ARL15: variants seen among roughly 807,000 people sequenced by gnomAD.
ARL15 encodes ADP-ribosylation factor-like protein 15.
In ARL15, 19 loss-of-function variants were observed where a neutral mutation model predicts 25.2. The ratio of observed to expected loss-of-function variants is 0.75; its 90% CI spans 0.53 to 1.10. The LOEUF (loss-of-function observed/expected upper bound fraction) is 1.10, where lower values mean the gene tolerates loss of function less well. ARL15 is among the 50% of genes least tolerant of loss of function. ARL15 has a pLI of 0.00. For missense variants in ARL15, 220 were observed against 246.0 expected, an observed-to-expected ratio of 0.89 and a Z score of 0.71; for synonymous variants, 94 against 86.8, an observed-to-expected ratio of 1.08 and a Z score of -0.46.
chr5:54,055,325 T>TAACATGTA (rs1173242905), intron 4 of ARL15, among the ~76,000 whole-genome samples: 1 of 151,534 alleles, frequency 6.6e-6, no homozygotes, highest in Non-Finnish European at 1.5e-5. Context: ...ATCCATGTTG[T>TAACATGTA]AACATGTATT....
intron 4 of ARL15, among the ~76,000 whole-genome samples, chr5:53,910,853 A>G (rs1005314974): frequency 2.6e-5 from 4 of 151,672 alleles, no homozygotes; most frequent in African/African-American, 9.7e-5. Context: ...GATTCGACCA[A>G]TTGGAGTAGG....
chr5:54,003,437 T>C (rs1748911963), intron 4 of ARL15, among the ~76,000 whole-genome samples: 1 of 152,202 alleles, frequency 6.6e-6, no homozygotes, highest in African/African-American at 2.4e-5. Flanking sequence ...TTTTTATAGA[T>C]AGGAGTTATG....
chr5:54,013,244 G>T lies in ARL15; in HGVS notation c.462+99958C>A, dbSNP rs1440124003. Among the ~76,000 whole-genome samples the T allele has an allele frequency of 2.6e-5, 4 of 152,304 alleles. No homozygotes were observed. The East Asian group carries it at 7.7e-4, about 29-fold the overall frequency. On this transcript the variant is annotated intron_variant, in intron 4 of 4. Coordinates refer to ENST00000504924, the MANE Select transcript of ARL15 (RefSeq NM_019087.3). Reference sequence around the variant, plus strand: ...AGTTGGTAAGTTTTATCTCATATAGGTTAAGCATCCCTAGTCAGAAAATCT... The same window carrying T: ...AGTTGGTAAGTTTTATCTCATATAGTTTAAGCATCCCTAGTCAGAAAATCT...
At chr5:54,295,902 A>G (rs1758454818) in intron 1 of ARL15, among the ~76,000 whole-genome samples, 1 of 152,216 alleles carries the variant, frequency 6.6e-6, no homozygotes. Flanking sequence ...AAAAGCAGAA[A>G]CTTGACTTTC....
At chr5:54,287,857 C>T (rs181911090) in intron 1 of ARL15, among the ~76,000 whole-genome samples, 155 of 152,238 alleles carry the variant, frequency 1.0e-3, no homozygotes, top group Admixed American at 1.8e-3. Flanking sequence ...AGTAGCTGAC[C>T]AACAACCATG....
intron 3 of ARL15, among the ~76,000 whole-genome samples, chr5:54,133,784 C>T (rs942098164): frequency 5.3e-5 from 8 of 151,996 alleles, no homozygotes; most frequent in Admixed American, 2.0e-4. Context: ...GATGAGAAGG[C>T]GGAGACCATG....
chr5:54,061,788 C>A (rs1301685337), intron 4 of ARL15, among the ~76,000 whole-genome samples: 1 of 151,996 alleles, frequency 6.6e-6, no homozygotes, highest in Non-Finnish European at 1.5e-5. Context: ...ACACAGAGTC[C>A]CTACTAGGGC....
intron 4 of ARL15, among the ~76,000 whole-genome samples, chr5:53,917,488 A>G (rs1745691777): frequency 6.6e-6 from 1 of 152,172 alleles, no homozygotes; most frequent in Admixed American, 6.5e-5. Context: ...ACATCTACAT[A>G]TACTCCATAG....
intron 1 of ARL15, among the ~76,000 whole-genome samples, chr5:54,309,787 A>C (rs750756538): frequency 6.6e-6 from 1 of 152,198 alleles, no homozygotes; most frequent in Non-Finnish European, 1.5e-5. Flanking sequence ...AGCCTGGCCT[A>C]AACAGCCGGG....
intron 1 of ARL15, among the ~76,000 whole-genome samples, chr5:54,220,618 C>T (rs374130261): frequency 3.3e-5 from 5 of 152,178 alleles, no homozygotes; most frequent in East Asian, 3.8e-4. Flanking sequence ...CACCTTCACA[C>T]TCATCCTATG....
chr5:54,278,517 A>G (rs578151424), intron 1 of ARL15, among the ~76,000 whole-genome samples: 4 of 152,314 alleles, frequency 2.6e-5, no homozygotes, highest in South Asian at 4.1e-4. Flanking sequence ...ACATCCCTAC[A>G]TTACATTAGA....
intron 4 of ARL15, among the ~76,000 whole-genome samples, chr5:54,090,951 TGAAAG>T (rs3836817): frequency 0.33 from 50,426 of 151,328 alleles, 9,938 homozygotes; most frequent in Admixed American, 0.47. Context: ...GTTTTATGGC[TGAAAG>T]GAATGACTGA....
chr5:54,154,915 G>C (rs1333013191), intron 2 of ARL15, among the ~76,000 whole-genome samples: 1 of 152,146 alleles, frequency 6.6e-6, no homozygotes, highest in Non-Finnish European at 1.5e-5. Context: ...GAGGTCAAGA[G>C]ATCAAGACCA....
At chr5:53,909,164 T>C (rs1745373017) in intron 4 of ARL15, among the ~76,000 whole-genome samples, 1 of 151,980 alleles carries the variant, frequency 6.6e-6, no homozygotes, top group African/African-American at 2.4e-5. Context: ...TAAATATGGC[T>C]CCACTGAAAA....
chr5:53,993,255 T>A (rs1458481866), intron 4 of ARL15, among the ~76,000 whole-genome samples: 1 of 152,148 alleles, frequency 6.6e-6, no homozygotes, highest in Non-Finnish European at 1.5e-5. Context: ...TCTTCTTTCC[T>A]TTGAGCATAG....
chr5:54,001,460 T>C (rs1471482502), intron 4 of ARL15, among the ~76,000 whole-genome samples: 3 of 152,210 alleles, frequency 2.0e-5, no homozygotes, highest in Admixed American at 6.5e-5. Context: ...AAAATCTATC[T>C]GGTTTCCAGA....
rs1040727307 is a variant in ARL15 at position 54,155,706 on chromosome 5, A to ACACG, written c.194-1068_194-1067insCGTG. Reference sequence around the variant, plus strand: ...CACACACACACACACACACACACGCACACACACACATGCAAATATACACAC... The same window carrying ACACG: ...CACACACACACACACACACACACGCACACGCACACACACATGCAAATATACACAC... On this transcript the variant is annotated intron_variant, in intron 2 of 4. Coordinates refer to ENST00000504924, the MANE Select transcript of ARL15 (RefSeq NM_019087.3). Among the ~76,000 whole-genome samples, 12 of 145,974 alleles carry ACACG rather than the reference A, an allele frequency of 8.2e-5. No individual in the cohort carries two copies. The South Asian group carries it at 1.3e-3, about 16-fold the overall frequency.
intron 4 of ARL15, among the ~76,000 whole-genome samples, chr5:53,987,843 C>A (rs1364484352): frequency 6.6e-6 from 1 of 152,152 alleles, no homozygotes; most frequent in Non-Finnish European, 1.5e-5. Flanking sequence ...TGGCTCATGC[C>A]TGTAATCCCA....
intron 4 of ARL15, among the ~76,000 whole-genome samples, chr5:53,964,485 T>G (rs537871140): frequency 5.3e-4 from 81 of 152,106 alleles, no homozygotes; most frequent in African/African-American, 1.1e-3. Flanking sequence ...TCAGCCTCCC[T>G]AGTAGCTGGG....
Sources: gnomAD v4.1 joint callset for allele counts (sites outside exome capture counted in the v4.1 genomes callset) on GRCh38, gnomAD v4.1.1 for gene constraint, MANE v1.5 for transcripts, NCBI Gene and HGNC (gene_info 2026-07-23, HGNC 2026-07-21) for gene names.